The following TBCEL variants were observed in gnomAD, a reference collection of about 807,000 sequenced individuals.
The protein encoded by TBCEL is tubulin-specific chaperone cofactor E-like protein.
In TBCEL, 15 loss-of-function variants were observed where a neutral mutation model predicts 44.2. The ratio of observed to expected loss-of-function variants is 0.34; its 90% CI spans 0.23 to 0.52. The LOEUF (loss-of-function observed/expected upper bound fraction) is 0.52, where lower values mean the gene tolerates loss of function less well. Among genes scored for constraint, TBCEL ranks in the 20% least tolerant of loss-of-function variants. The pLI is 0.95. For synonymous variants in TBCEL, 171 were observed against 185.4 expected, an observed-to-expected ratio of 0.92 and a Z score of 0.63; for missense variants, 319 against 506.3, an observed-to-expected ratio of 0.63 and a Z score of 3.55.
chr11:121,072,904 T>C (rs1211699600), intron 8 of TBCEL, among the ~76,000 whole-genome samples: 2 of 152,164 alleles, frequency 1.3e-5, no homozygotes, highest in Non-Finnish European at 2.9e-5. Context: ...TGGCCCCATA[T>C]GGATAATTGG....
At position 121,089,276 on chromosome 11, in the gene TBCEL, A is replaced by G. The variant is rs1946259596; in HGVS notation, c.*2180A>G. The G allele has an allele frequency of 6.6e-6, 1 of 152,196 alleles. No individual in the cohort carries two copies. Among genetic ancestry groups the G allele is most frequent in the South Asian group, 2.1e-4 (1 of 4,836 alleles). 9.4% of individuals were successfully genotyped at this position (152,196 alleles called of 1,614,324 possible). A position where few individuals can be genotyped will look rare whatever the true frequency, so the allele number is the denominator to read the frequency against. ...GATATTTTATATATGGCAAAGTTTT[A>G]TGAAATGCTTTTTTACTATTAGAGA... On this transcript the variant is annotated 3_prime_UTR_variant, in exon 9 of 9. Coordinates refer to ENST00000683345, the MANE Select transcript of TBCEL (RefSeq NM_001363644.2).
Position 121,087,050 on chromosome 11 carries a change from G to C in TBCEL, c.1229G>C (p.Gly410Ala). ...AGCTCTCGGGCATTGCATTCCTTTG[G>C]CATTAGGGATGGAGATAAAATTTAC... ...KYSSRALHSF[G>A]IRDGDKIYVE... is the part of the protein sequence containing the mutation. Residue 410 changes from glycine to alanine, a missense_variant, in exon 9 of 9, where the codon GGC becomes GCC. Gly to Ala is a moderately conservative substitution (Grantham distance 60). Transcript: ENST00000683345. 3 of 1,613,996 alleles carry C rather than the reference G, an allele frequency of 1.9e-6. No individual in the cohort carries two copies. Among genetic ancestry groups the C allele is most frequent in the Non-Finnish European group, 2.5e-6 (3 of 1,179,948 alleles).
chr11:121,024,970 G>GGAA (rs1014545637), intron 1 of TBCEL, among the ~76,000 whole-genome samples: 61 of 152,308 alleles, frequency 4.0e-4, no homozygotes, highest in Non-Finnish European at 5.9e-5. Context: ...GGATCTGTGT[G>GGAA]GAGCTTCTCT....
chr11:121,048,851 A>G (rs1324768795), intron 4 of TBCEL, among the ~76,000 whole-genome samples: 1 of 151,810 alleles, frequency 6.6e-6, no homozygotes, highest in East Asian at 1.9e-4. Flanking sequence ...TTCATTCTGA[A>G]CCCACTGCTC....
chr11:121,053,592 A>C lies in TBCEL; in HGVS notation c.315A>C (p.Leu105=), dbSNP rs1223992245. ...CAAATGTTCCTCAGTTGGAGTTTCT[A>C]AACCTGAGTTCCAACCCTCTGAATT... ...IVSNVPQLEF[L]NLSSNPLNLS... Residue 105 remains leucine, a synonymous_variant, in exon 5 of 9, where the codon CTA becomes CTC. Coordinates refer to ENST00000683345, the MANE Select transcript of TBCEL (RefSeq NM_001363644.2). 2 of 1,612,166 alleles carry C rather than the reference A, an allele frequency of 1.2e-6. No homozygotes were observed. The highest frequency in any genetic ancestry group is 2.7e-5 in the African/African-American group (2 of 74,744).
intron 8 of TBCEL, among the ~76,000 whole-genome samples, chr11:121,065,051 C>A (rs936493859): frequency 2.6e-5 from 4 of 152,140 alleles, no homozygotes; most frequent in African/African-American, 9.7e-5. Context: ...TGGTCTTGAT[C>A]TCCTGACCTC....
rs1946270694 is a variant in TBCEL at position 121,090,205 on chromosome 11, C to CTTGTTT, written c.*3111_*3112insGTTTTT. On this transcript the variant is annotated 3_prime_UTR_variant, in exon 9 of 9. Coordinates refer to ENST00000683345, the MANE Select transcript of TBCEL (RefSeq NM_001363644.2). ...TACAGTGTTGTTTTTAAAGATTTTG[C>CTTGTTT]TTATTTTTAAAGACAGGAAAATTCA... is the stretch of plus-strand genomic sequence containing the variant. 1 of 152,106 alleles carries CTTGTTT rather than the reference C, an allele frequency of 6.6e-6. No homozygotes were observed. The highest frequency in any genetic ancestry group is 1.9e-4 in the East Asian group (1 of 5,194). The allele number at this position is 152,106 out of a possible 1,614,324, so 9.4% of individuals were successfully genotyped here. A position where few individuals can be genotyped will look rare whatever the true frequency, so the allele number is the denominator to read the frequency against.
Position 121,060,063 on chromosome 11 carries a change from C to T in TBCEL, c.934C>T (p.Pro312Ser). The change falls in exon 8 of 9, where the codon CCA becomes TCA. Residue 312 changes from proline to serine, a missense_variant. By Grantham distance (74) the Pro-to-Ser change is moderately conservative. Transcript: ENST00000683345. ...TTTTATTCGTTACTATGTGGATGTT[C>T]CACAGGAAGAAGTGCCATTCAGGTA... Reference protein sequence around the residue: ...RFFIRYYVDVPQEEVPFRYHE... With the variant: ...RFFIRYYVDVSQEEVPFRYHE... 2 of 1,610,992 alleles carry T rather than the reference C, an allele frequency of 1.2e-6. No homozygotes were observed. The highest frequency in any genetic ancestry group is 1.7e-4 in the Middle Eastern group (1 of 6,042).
intron 1 of TBCEL, among the ~76,000 whole-genome samples, chr11:121,030,727 A>G (rs866382918): frequency 2.6e-5 from 4 of 152,190 alleles, no homozygotes; most frequent in Admixed American, 2.0e-4. Flanking sequence ...CACTAAGGAT[A>G]CCACTATTCT....
chr11:121,077,486 C>T (rs891433246), intron 8 of TBCEL, among the ~76,000 whole-genome samples: 1 of 152,080 alleles, frequency 6.6e-6, no homozygotes, highest in African/African-American at 2.4e-5. Flanking sequence ...GATGTTCCCT[C>T]TTATAGTGCC....
intron 8 of TBCEL, among the ~76,000 whole-genome samples, chr11:121,069,330 T>A (rs1436315258): frequency 6.6e-6 from 1 of 152,194 alleles, no homozygotes; most frequent in Non-Finnish European, 1.5e-5. Flanking sequence ...AAGGAGGACT[T>A]AGGTCTGCTG....
intron 6 of TBCEL, chr11:121,057,608 A>G (rs905252547): frequency 3.3e-5 from 15 of 454,842 alleles, no homozygotes; most frequent in Non-Finnish European, 5.7e-5. Flanking sequence ...ATACATGGGG[A>G]AGAAGGGTAG....
intron 8 of TBCEL, among the ~76,000 whole-genome samples, chr11:121,072,579 A>G (rs1945955460): frequency 6.6e-6 from 1 of 152,090 alleles, no homozygotes; most frequent in Non-Finnish European, 1.5e-5. Context: ...TCTATTTTTC[A>G]TATTTTATAT....
rs964931744 is a variant in TBCEL, at chr11:121,088,851, G to A, written c.*1755G>A. ...TACATTCAGTGTAACATTAAAGGTG[G>A]AAACCAAAGGGTTTGAGAAAGACGA... On this transcript the variant is annotated 3_prime_UTR_variant, in exon 9 of 9. Transcript: ENST00000683345. 6.6e-6 allele frequency: 1 copy of A among 152,166 alleles called. No homozygotes were observed. The highest frequency in any genetic ancestry group is 1.5e-5 in the Non-Finnish European group (1 of 68,016). The allele number at this position is 152,166 out of a possible 1,614,324, so 9.4% of individuals were successfully genotyped here. A position where few individuals can be genotyped will look rare whatever the true frequency, so the allele number is the denominator to read the frequency against.
intron 4 of TBCEL, among the ~76,000 whole-genome samples, chr11:121,049,673 T>C (rs1945494852): frequency 1.3e-5 from 2 of 151,876 alleles, no homozygotes; most frequent in South Asian, 4.1e-4. Context: ...TTATCTGCAC[T>C]TCAAATTTGT....
chr11:121,028,012 C>G (rs1306691887), intron 1 of TBCEL, among the ~76,000 whole-genome samples: 1 of 151,992 alleles, frequency 6.6e-6, no homozygotes, highest in Non-Finnish European at 1.5e-5. Flanking sequence ...TCAAAGCCAA[C>G]CTGGGCAACG....
At chr11:121,075,411 A>G (rs139492793) in intron 8 of TBCEL, among the ~76,000 whole-genome samples, 7 of 152,132 alleles carry the variant, frequency 4.6e-5, no homozygotes, top group Non-Finnish European at 8.8e-5. Context: ...CTGAGGCATC[A>G]TGTTGAATGA....
intron 8 of TBCEL, among the ~76,000 whole-genome samples, chr11:121,062,865 C>T (rs1401764374): frequency 6.6e-6 from 1 of 152,118 alleles, no homozygotes; most frequent in Non-Finnish European, 1.5e-5. Context: ...CTCTAGACAC[C>T]ACATGCTGGA....
intron 4 of TBCEL, among the ~76,000 whole-genome samples, chr11:121,049,586 C>T (rs1412753010): frequency 1.3e-5 from 2 of 151,762 alleles, no homozygotes; most frequent in Admixed American, 6.6e-5. Flanking sequence ...ATCTGAACAA[C>T]TTGTATAGTT....
Sources: gnomAD v4.1 joint callset for allele counts (sites outside exome capture counted in the v4.1 genomes callset) on GRCh38, gnomAD v4.1.1 for gene constraint, MANE v1.5 for transcripts, NCBI Gene and HGNC (gene_info 2026-07-23, HGNC 2026-07-21) for gene names.